Variants in NXPH1 observed in about 807,000 individuals in gnomAD.
The protein encoded by NXPH1 is neurexophilin 1, also known as neurexophilin-1.
A neutral mutation model predicts 23.7 loss-of-function variants in NXPH1; 5 were observed. The observed-to-expected ratio is 0.21, with a 90% CI of 0.11 to 0.44. NXPH1 has a LOEUF of 0.44. NXPH1 is among the 20% of genes least tolerant of loss of function. The pLI is 0.99. For missense variants in NXPH1, 324 were observed against 321.6 expected, an observed-to-expected ratio of 1.01 and a Z score of -0.06; for synonymous variants, 144 against 122.2, an observed-to-expected ratio of 1.18 and a Z score of -1.18.
In NXPH1 at chr7:8,743,339, T is replaced by C. The variant is rs111948351; in HGVS notation, c.55-7669T>C. Among the ~76,000 whole-genome samples, 1,016 of 152,138 alleles carry C rather than the reference T, an allele frequency of 6.7e-3. 6 individuals carry two copies. Among genetic ancestry groups the C allele is most frequent in the Middle Eastern group, 0.024 (7 of 294 alleles). On this transcript the variant is annotated intron_variant, in intron 2 of 2. Coordinates refer to ENST00000405863, the MANE Select transcript of NXPH1 (RefSeq NM_152745.3). Reference sequence around the variant, plus strand: ...TAAAAGACATCTCATTTCTCATTTATAAAAAGAGATATACAAATGTTTGGA... The same window carrying C: ...TAAAAGACATCTCATTTCTCATTTACAAAAAGAGATATACAAATGTTTGGA...
At chr7:8,523,759 T>C (rs1817814973) in intron 2 of NXPH1, among the ~76,000 whole-genome samples, 1 of 152,200 alleles carries the variant, frequency 6.6e-6, no homozygotes, top group African/African-American at 2.4e-5. Context: ...TAAATTTCTC[T>C]TTCTGGATCC....
intron 2 of NXPH1, among the ~76,000 whole-genome samples, chr7:8,743,933 C>T (rs1417922308): frequency 1.3e-5 from 2 of 152,132 alleles, no homozygotes; most frequent in Non-Finnish European, 2.9e-5. Flanking sequence ...ATCCGCCCGC[C>T]TCGGCCTCCC....
chr7:8,643,176 TA>T (rs59480113), intron 2 of NXPH1, among the ~76,000 whole-genome samples: 98,615 of 151,936 alleles, frequency 0.65, 32,924 homozygotes, highest in East Asian at 0.83. Context: ...CATACACTTT[TA>T]TAAGTGAAGG....
At chr7:8,672,615 G>T (rs1321957254) in intron 2 of NXPH1, among the ~76,000 whole-genome samples, 1 of 152,056 alleles carries the variant, frequency 6.6e-6, no homozygotes, top group Non-Finnish European at 1.5e-5. Flanking sequence ...GAACTGTTGT[G>T]ATGGTTGAGG....
At chr7:8,574,473 G>T (rs1347549086) in intron 2 of NXPH1, among the ~76,000 whole-genome samples, 1 of 152,008 alleles carries the variant, frequency 6.6e-6, no homozygotes, top group African/African-American at 2.4e-5. Context: ...AGATTGCTCA[G>T]TCTAGTCAAT....
At position 8,658,721 on chromosome 7, in the gene NXPH1, C is replaced by T. The variant is rs142326390; in HGVS notation, c.55-92287C>T. Among the ~76,000 whole-genome samples the T allele has an allele frequency of 4.5e-4, 68 of 152,078 alleles. No homozygotes were observed. In the East Asian group the frequency reaches 6.8e-3, roughly 15 times the overall value. ...CTATGTGTATTATTTTATAGTGTTACGTATCGTCCTTCTTTTGGTTGCTTA... is the reference window on the plus strand; with the variant it reads ...CTATGTGTATTATTTTATAGTGTTATGTATCGTCCTTCTTTTGGTTGCTTA... On this transcript the variant is annotated intron_variant, in intron 2 of 2. Coordinates refer to ENST00000405863, the MANE Select transcript of NXPH1 (RefSeq NM_152745.3).
chr7:8,511,089 C>T (rs1248365556), intron 2 of NXPH1, among the ~76,000 whole-genome samples: 1 of 152,066 alleles, frequency 6.6e-6, no homozygotes, highest in Non-Finnish European at 1.5e-5. Context: ...TTGGTTTAAC[C>T]TGGAATCCAA....
chr7:8,715,645 G>T (rs1779864842), intron 2 of NXPH1, among the ~76,000 whole-genome samples: 1 of 152,170 alleles, frequency 6.6e-6, no homozygotes, highest in African/African-American at 2.4e-5. Flanking sequence ...ATTTGGGAAG[G>T]TTACACAGAG....
chr7:8,520,963 A>G (rs908744546), intron 2 of NXPH1, among the ~76,000 whole-genome samples: 3 of 152,198 alleles, frequency 2.0e-5, no homozygotes, highest in African/African-American at 7.2e-5. Context: ...CATCCCTGCC[A>G]AATTCATTTG....
intron 2 of NXPH1, among the ~76,000 whole-genome samples, chr7:8,529,325 G>A (rs1378871555): frequency 6.6e-6 from 1 of 152,172 alleles, no homozygotes; most frequent in Non-Finnish European, 1.5e-5. Flanking sequence ...TGGCACCAGG[G>A]GGCCAAAATT....
chr7:8,557,863 T>C (rs1194810687), intron 2 of NXPH1, among the ~76,000 whole-genome samples: 5 of 151,702 alleles, frequency 3.3e-5, no homozygotes, highest in African/African-American at 7.2e-5. Context: ...TTTAGTACCA[T>C]GTAAAGGCAT....
At chr7:8,606,653 ACT>A (rs1403068738) in intron 2 of NXPH1, among the ~76,000 whole-genome samples, 1 of 152,012 alleles carries the variant, frequency 6.6e-6, no homozygotes, top group African/African-American at 2.4e-5. Context: ...CTGCCCTCTC[ACT>A]CTGCCTTTTC....
chr7:8,473,655 C>G (rs1816911485), intron 2 of NXPH1, among the ~76,000 whole-genome samples: 1 of 150,824 alleles, frequency 6.6e-6, no homozygotes, highest in South Asian at 2.1e-4. Flanking sequence ...TATAAATAAG[C>G]TTATATTATC....
At chr7:8,447,674 T>A (rs1254311800) in intron 2 of NXPH1, among the ~76,000 whole-genome samples, 4 of 152,226 alleles carry the variant, frequency 2.6e-5, no homozygotes. Flanking sequence ...TGTGGAAGCA[T>A]GAAAAGTGAA....
At chr7:8,594,823 T>TA (rs892323310) in intron 2 of NXPH1, among the ~76,000 whole-genome samples, 1 of 152,066 alleles carries the variant, frequency 6.6e-6, no homozygotes, top group Non-Finnish European at 1.5e-5. Flanking sequence ...TTTTCAAATT[T>TA]AAACAAATTA....
chr7:8,520,655 G>A (rs1031348448), intron 2 of NXPH1, among the ~76,000 whole-genome samples: 1 of 149,474 alleles, frequency 6.7e-6, no homozygotes, highest in Non-Finnish European at 1.5e-5. Context: ...TTGTGTGACT[G>A]TTTGACCATG....
chr7:8,443,966 T>G (rs1816353392), intron 2 of NXPH1, among the ~76,000 whole-genome samples: 1 of 152,178 alleles, frequency 6.6e-6, no homozygotes, highest in Non-Finnish European at 1.5e-5. Flanking sequence ...CTGGGGGCTG[T>G]CTGCACGCCC....
chr7:8,678,432 T>A (rs1298988623), intron 2 of NXPH1, among the ~76,000 whole-genome samples: 6 of 152,180 alleles, frequency 3.9e-5, no homozygotes, highest in African/African-American at 1.2e-4. Context: ...TTGGGGTCTG[T>A]GGGAGTTTCT....
chr7:8,506,196 T>C (rs1394259007), intron 2 of NXPH1, among the ~76,000 whole-genome samples: 1 of 152,130 alleles, frequency 6.6e-6, no homozygotes, highest in African/African-American at 2.4e-5. Context: ...TTTGTTGAGT[T>C]GTGCAACTGT....
Sources: gnomAD v4.1 joint callset for allele counts (sites outside exome capture counted in the v4.1 genomes callset) on GRCh38, gnomAD v4.1.1 for gene constraint, MANE v1.5 for transcripts, NCBI Gene and HGNC (gene_info 2026-07-23, HGNC 2026-07-21) for gene names.